CTNNA2: variants seen among roughly 807,000 people sequenced by gnomAD.
CTNNA2 encodes the protein catenin alpha-2.
Under a neutral mutation model 101.0 loss-of-function variants are expected in CTNNA2, and 42 were observed. That is an observed-to-expected ratio of 0.42 (90% CI 0.32 to 0.54). The LOEUF (loss-of-function observed/expected upper bound fraction) is 0.54, where lower values mean the gene tolerates loss of function less well. Among genes scored for constraint, CTNNA2 ranks in the 20% least tolerant of loss-of-function variants. The pLI, the probability that CTNNA2 is intolerant of heterozygous loss-of-function variation, is 0.14. For synonymous variants in CTNNA2, 450 were observed against 456.4 expected (o/e 0.99, Z 0.18); for missense variants, 871 against 1,223.1 (o/e 0.71, Z 4.29).
At chr2:80,314,242 C>T (rs73938272) in intron 7 of CTNNA2, among the ~76,000 whole-genome samples, 8,797 of 152,270 alleles carry the variant, frequency 0.058, 365 homozygotes, top group African/African-American at 0.11. Context: ...TGAGGAATAA[C>T]AGGACCTTGT....
intron 7 of CTNNA2, among the ~76,000 whole-genome samples, chr2:80,166,492 C>T (rs561662867): frequency 6.6e-6 from 1 of 152,234 alleles, no homozygotes; most frequent in East Asian, 1.9e-4. Context: ...TTGGAAAGGG[C>T]ATGGAAGCTC....
intron 9 of CTNNA2, among the ~76,000 whole-genome samples, chr2:80,419,924 A>T (rs1680371639): frequency 6.6e-6 from 1 of 151,148 alleles, no homozygotes; most frequent in African/African-American, 2.4e-5. Context: ...TGAGGGAGTA[A>T]ATTAAAATTT....
intron 7 of CTNNA2, among the ~76,000 whole-genome samples, chr2:80,072,866 G>A (rs1698431821): frequency 1.3e-5 from 2 of 152,140 alleles, no homozygotes; most frequent in Non-Finnish European, 2.9e-5. Flanking sequence ...AGGGGAAAAC[G>A]AGGGATGTTC....
rs531871392 is a variant in CTNNA2, at chr2:80,509,363, C to T, written c.1291-35619C>T. 9.9e-5 allele frequency among the ~76,000 whole-genome samples: 15 copies of T among 152,262 alleles called. No homozygotes were observed. The South Asian group carries it at 3.1e-3, about 32-fold the overall frequency. On this transcript the variant is annotated intron_variant, in intron 9 of 18. Transcript: ENST00000402739. The stretch of plus-strand genomic sequence containing the variant: ...GAGGAGCTTTTCAGTCCCCTAATCC[C>T]TCATTATCCCTAAGAGAGGTACACT...
rs776793455 is a variant in CTNNA2 at position 80,419,586 on chromosome 2, C to T, written c.1275C>T (p.Ala425=). Residue 425 remains alanine (A), a synonymous_variant, in exon 9 of 19, where the codon GCC becomes GCT. Coordinates refer to ENST00000402739, the MANE Select transcript of CTNNA2 (RefSeq NM_001282597.3). ...KEYAQVFREH[A]NKLVEVANLA... ...ATGCCCAAGTTTTCCGTGAGCATGC[C>T]AACAAACTGGTAGAGGTAAGTGTGG... is the stretch of plus-strand genomic sequence containing the variant. 3 of 1,613,588 alleles carry T rather than the reference C, an allele frequency of 1.9e-6. No individual in the cohort carries two copies. The highest frequency in any genetic ancestry group is 2.5e-6 in the Non-Finnish European group (3 of 1,179,728).
At chr2:80,019,415 G>A (rs1694391142) in intron 7 of CTNNA2, among the ~76,000 whole-genome samples, 1 of 152,104 alleles carries the variant, frequency 6.6e-6, no homozygotes, top group Non-Finnish European at 1.5e-5. Flanking sequence ...AGCAAACAAT[G>A]GGCCAAAACC....
intron 3 of CTNNA2, among the ~76,000 whole-genome samples, chr2:79,325,152 T>C (rs974406861): frequency 6.6e-6 from 1 of 151,384 alleles, no homozygotes; most frequent in Admixed American, 6.6e-5. Flanking sequence ...GGAGAGAGAG[T>C]GTATCAAAAA....
At chr2:80,433,805 T>G (rs1681769567) in intron 9 of CTNNA2, among the ~76,000 whole-genome samples, 4 of 152,196 alleles carry the variant, frequency 2.6e-5, no homozygotes. Flanking sequence ...TGCTTGTAGA[T>G]TCTAGTGCCT....
At chr2:80,270,813 G>T (rs1673401023) in intron 7 of CTNNA2, among the ~76,000 whole-genome samples, 1 of 152,004 alleles carries the variant, frequency 6.6e-6, no homozygotes. Flanking sequence ...AGTTTGGAGA[G>T]GTTATTTACA....
chr2:79,297,598 A>C (rs540344597), intron 2 of CTNNA2, among the ~76,000 whole-genome samples: 4 of 152,268 alleles, frequency 2.6e-5, no homozygotes, highest in Non-Finnish European at 5.9e-5. Context: ...CTCTACACCT[A>C]TTCCAAGACT....
intron 3 of CTNNA2, among the ~76,000 whole-genome samples, chr2:79,816,774 A>C (rs1363313664): frequency 6.6e-6 from 1 of 152,178 alleles, no homozygotes; most frequent in Admixed American, 6.5e-5. Context: ...AATTTGCTGA[A>C]TTATTTAATC....
At chr2:79,611,198 A>T (rs1469026620) in intron 1 of CTNNA2, among the ~76,000 whole-genome samples, 2 of 152,202 alleles carry the variant, frequency 1.3e-5, no homozygotes, top group African/African-American at 2.4e-5. Context: ...AAAAGATGGG[A>T]TAAAACTTGA....
intron 1 of CTNNA2, among the ~76,000 whole-genome samples, chr2:79,557,386 G>A (rs1674511148): frequency 1.3e-5 from 2 of 151,918 alleles, no homozygotes; most frequent in African/African-American, 2.4e-5. Flanking sequence ...ATTTAAGCTA[G>A]TATCCACAAG....
chr2:80,131,030 A>G (rs186795066), intron 7 of CTNNA2, among the ~76,000 whole-genome samples: 83 of 151,102 alleles, frequency 5.5e-4, no homozygotes, highest in African/African-American at 1.9e-3. Flanking sequence ...ATTTTATTGT[A>G]CCAATGTCAA....
At chr2:80,216,586 T>G (rs556402648) in intron 7 of CTNNA2, among the ~76,000 whole-genome samples, 1 of 152,222 alleles carries the variant, frequency 6.6e-6, no homozygotes, top group East Asian at 1.9e-4. Flanking sequence ...GCTATCTCTC[T>G]TTTTACCATG....
At chr2:79,874,389 C>CAAAA in intron 6 of CTNNA2, 47 bp downstream of exon 6, 6 of 1,298,002 alleles carry the variant, frequency 4.6e-6, no homozygotes, top group South Asian at 2.8e-5. Flanking sequence ...CTGGTGTTGA[C>CAAAA]AAAAAAAAAA....
chr2:79,329,610 A>AT (rs1251440278), intron 3 of CTNNA2, among the ~76,000 whole-genome samples: 1 of 152,044 alleles, frequency 6.6e-6, no homozygotes, highest in Non-Finnish European at 1.5e-5. Context: ...CCTGATTACC[A>AT]TTCCCCCCAA....
intron 1 of CTNNA2, among the ~76,000 whole-genome samples, chr2:79,550,230 T>C (rs999513259): frequency 6.6e-6 from 1 of 152,192 alleles, no homozygotes. Context: ...CCCTTGGGAG[T>C]TCTGGAGACG....
chr2:80,124,121 A>G (rs1276202460), intron 7 of CTNNA2, among the ~76,000 whole-genome samples: 1 of 152,074 alleles, frequency 6.6e-6, no homozygotes, highest in African/African-American at 2.4e-5. Flanking sequence ...AACCAGCCAC[A>G]CTGTGAGACT....
Sources: gnomAD v4.1 joint callset for allele counts (sites outside exome capture counted in the v4.1 genomes callset) on GRCh38, gnomAD v4.1.1 for gene constraint, MANE v1.5 for transcripts, NCBI Gene and HGNC (gene_info 2026-07-23, HGNC 2026-07-21) for gene names.